The following CSMD3 variants were observed in gnomAD, a reference collection of about 807,000 sequenced individuals.
The protein encoded by CSMD3 is CUB and Sushi multiple domains 3, also known as CUB and sushi domain-containing protein 3.
A neutral mutation model predicts 435.2 loss-of-function variants in CSMD3; 177 were observed. That is an observed-to-expected ratio of 0.41 (90% CI 0.36 to 0.46). The LOEUF (loss-of-function observed/expected upper bound fraction) is 0.46, where lower values mean the gene tolerates loss of function less well. Among genes scored for constraint, CSMD3 ranks in the 20% least tolerant of loss-of-function variants. The pLI is 0.34. For missense variants in CSMD3, 4,265 were observed against 4,504.6 expected, an observed-to-expected ratio of 0.95 and a Z score of 1.52; for synonymous variants, 1,656 against 1,520.5, an observed-to-expected ratio of 1.09 and a Z score of -2.07.
chr8:113,008,051 C>G (rs892930081), intron 6 of CSMD3, among the ~76,000 whole-genome samples: 2 of 151,100 alleles, frequency 1.3e-5, no homozygotes, highest in Non-Finnish European at 3.0e-5. Flanking sequence ...TGCTACTTGT[C>G]TAACAGTAAG....
In CSMD3 at chr8:112,638,806, G is replaced by T; in HGVS notation, c.3416C>A (p.Ser1139Ter). The T allele has an allele frequency of 6.2e-7, 1 of 1,612,392 alleles. No individual in the cohort carries two copies. Among genetic ancestry groups the T allele is most frequent in the South Asian group, 1.1e-5 (1 of 91,054 alleles). ...FTQPLARLTG[S>*]DLPPTINAGL... ...AGCATTGATTGTTGGAGGAAGATCT[G>T]AACCAGTCAGGCGTGCCAGTGGTTG... is the stretch of plus-strand genomic sequence containing the variant. The change falls in exon 21 of 71, where the codon TCA (serine) becomes TAA (stop). Residue 1139 changes from serine to a stop codon, truncating the protein, a stop_gained. Transcript: ENST00000297405. LOFTEE classifies it high-confidence loss of function.
intron 22 of CSMD3, among the ~76,000 whole-genome samples, chr8:112,632,248 AAG>A (rs1368379874): frequency 6.6e-6 from 1 of 152,064 alleles, no homozygotes; most frequent in Non-Finnish European, 1.5e-5. Context: ...TTTTTAAACT[AAG>A]AAATAAATAA....
intron 59 of CSMD3, among the ~76,000 whole-genome samples, chr8:112,280,552 T>A (rs950150800): frequency 2.6e-5 from 4 of 152,272 alleles, no homozygotes; most frequent in African/African-American, 7.2e-5. Flanking sequence ...TTCTTCTTAA[T>A]GAAAATAACC....
intron 20 of CSMD3, among the ~76,000 whole-genome samples, chr8:112,644,432 A>T (rs1446210579): frequency 6.6e-6 from 1 of 152,058 alleles, no homozygotes; most frequent in Non-Finnish European, 1.5e-5. Context: ...TTCTTTACAG[A>T]TTCCTTTCAA....
At chr8:112,661,975 G>A (rs1181241315) in intron 17 of CSMD3, among the ~76,000 whole-genome samples, 2 of 152,050 alleles carry the variant, frequency 1.3e-5, no homozygotes, top group African/African-American at 2.4e-5. Context: ...CACAGGGAAT[G>A]GGGAAATGAG....
intron 13 of CSMD3, among the ~76,000 whole-genome samples, chr8:112,692,956 T>A (rs1202284148): frequency 6.7e-6 from 1 of 150,166 alleles, no homozygotes; most frequent in Non-Finnish European, 1.5e-5. Flanking sequence ...TATCTATCTA[T>A]CTATCTATCT....
rs536655671 is a variant in CSMD3 at position 113,405,465 on chromosome 8, T to C, written c.178+31212A>G. 3.3e-5 allele frequency among the ~76,000 whole-genome samples: 5 copies of C among 151,770 alleles called. No homozygotes were observed. The South Asian group carries it at 1.0e-3, about 31-fold the overall frequency. On this transcript the variant is annotated intron_variant, in intron 1 of 70. Coordinates refer to ENST00000297405, the MANE Select transcript of CSMD3 (RefSeq NM_198123.2). ...TGATGTTTTATGTCATTTTCATTCATTGTAATAAGTGAAATAAGGGAGGGG... is the reference window on the plus strand; with the variant it reads ...TGATGTTTTATGTCATTTTCATTCACTGTAATAAGTGAAATAAGGGAGGGG...
intron 1 of CSMD3, among the ~76,000 whole-genome samples, chr8:113,427,655 C>T (rs2927871): frequency 0.24 from 36,332 of 151,330 alleles, 4,684 homozygotes; most frequent in Non-Finnish European, 0.3. Context: ...AACTAAAGGA[C>T]ACTTATGGAC....
chr8:112,676,604 A>G (rs2075774603), intron 16 of CSMD3, among the ~76,000 whole-genome samples: 2 of 152,142 alleles, frequency 1.3e-5, no homozygotes, highest in South Asian at 4.1e-4. Flanking sequence ...TTGGTCTGCA[A>G]TAAAATCCTT....
chr8:113,355,579 G>C (rs574090511), intron 1 of CSMD3, among the ~76,000 whole-genome samples: 1 of 151,420 alleles, frequency 6.6e-6, no homozygotes, highest in South Asian at 2.1e-4. Context: ...TCTCCCAAAG[G>C]CCGCGCTTCC....
At position 112,984,209 on chromosome 8, in the gene CSMD3, ATATT is replaced by A. The variant is rs559434502; in HGVS notation, c.1031-8065_1031-8062del. Among the ~76,000 whole-genome samples, 86 of 151,916 alleles carry A rather than the reference ATATT, an allele frequency of 5.7e-4. 1 individual carries two copies. In the South Asian group the frequency reaches 0.017, roughly 31 times the overall value. ...TATATTTGGATATTTATATTTGTCC[ATATT>A]TAGAGATAAATGTATTTCTTATGTG... is the stretch of plus-strand genomic sequence containing the variant. On this transcript the variant is annotated intron_variant, in intron 6 of 70. Transcript: ENST00000297405.
intron 10 of CSMD3, among the ~76,000 whole-genome samples, chr8:112,905,042 T>G (rs1322814542): frequency 6.6e-6 from 1 of 151,308 alleles, no homozygotes; most frequent in African/African-American, 2.4e-5. Flanking sequence ...GACATTCAGA[T>G]TAATCAAAGT....
intron 4 of CSMD3, among the ~76,000 whole-genome samples, chr8:113,107,657 A>G (rs1431835010): frequency 6.6e-6 from 1 of 152,130 alleles, no homozygotes; most frequent in Non-Finnish European, 1.5e-5. Context: ...AAAACAAAAC[A>G]AGGGTTGTGT....
At chr8:112,999,788 CAAGG>C (rs2085795581) in intron 6 of CSMD3, among the ~76,000 whole-genome samples, 1 of 150,438 alleles carries the variant, frequency 6.6e-6, no homozygotes, top group Non-Finnish European at 1.5e-5. Flanking sequence ...AATGAGGAGT[CAAGG>C]ATGATTTTAA....
At chr8:113,350,904 T>C (rs1273431826) in intron 1 of CSMD3, among the ~76,000 whole-genome samples, 1 of 152,096 alleles carries the variant, frequency 6.6e-6, no homozygotes. Context: ...CCTTTACAAC[T>C]GCTGGTACTT....
chr8:113,277,723 C>G (rs1362955331), intron 3 of CSMD3, among the ~76,000 whole-genome samples: 2 of 151,838 alleles, frequency 1.3e-5, no homozygotes, highest in East Asian at 3.9e-4. Context: ...AAATCTGATA[C>G]ACTATCCCTA....
At chr8:112,460,707 C>T (rs879583732) in intron 32 of CSMD3, among the ~76,000 whole-genome samples, 103 of 152,086 alleles carry the variant, frequency 6.8e-4, no homozygotes, top group Non-Finnish European at 1.3e-3. Context: ...TAAAATATTG[C>T]TAAAATAAGC....
At position 112,997,013 on chromosome 8, in the gene CSMD3, C is replaced by A. The variant is rs962851205; in HGVS notation, c.1031-20865G>T. ...TACTTCGGTGATTATTACTTAGAGA[C>A]TTTTCAGGGTACTGATTAGTGTCTA... On this transcript the variant is annotated intron_variant, in intron 6 of 70. Transcript: ENST00000297405. Among the ~76,000 whole-genome samples the A allele has an allele frequency of 4.0e-5, 6 of 151,470 alleles. 1 individual carries two copies. The highest frequency in any genetic ancestry group is 2.6e-4 in the Admixed American group (4 of 15,120).
rs554166083 is a variant in CSMD3, at chr8:112,613,137, T to C, written c.3715+23680A>G. ...ATTACTGAGAAGAAGATCGTCAGTC[T>C]ACAGGTGGTTTAATTGTTCTTTTAA... On this transcript the variant is annotated intron_variant, in intron 22 of 70. Coordinates refer to ENST00000297405, the MANE Select transcript of CSMD3 (RefSeq NM_198123.2). Among the ~76,000 whole-genome samples, 177 of 152,232 alleles carry C rather than the reference T, an allele frequency of 1.2e-3. 3 individuals are homozygous for C. In the South Asian group the frequency reaches 0.035, roughly 30 times the overall value.
Sources: gnomAD v4.1 joint callset for allele counts (sites outside exome capture counted in the v4.1 genomes callset) on GRCh38, gnomAD v4.1.1 for gene constraint, MANE v1.5 for transcripts, NCBI Gene and HGNC (gene_info 2026-07-23, HGNC 2026-07-21) for gene names.